Variants in OSTN observed in about 807,000 individuals in gnomAD.
The protein encoded by OSTN is osteocrin.
A neutral mutation model predicts 12.0 loss-of-function variants in OSTN; 9 were observed. The observed-to-expected ratio is 0.75, with a 90% CI of 0.45 to 1.30. The LOEUF is 1.30. Ranked by LOEUF, OSTN falls within the 50% of genes most tolerant of loss-of-function variation. The pLI, the probability that OSTN is intolerant of heterozygous loss-of-function variation, is 0.00. For missense variants in OSTN, 148 were observed against 152.3 expected (o/e 0.97, Z 0.15); for synonymous variants, 59 against 56.9 (o/e 1.04, Z -0.16).
chr3:191,223,584 T>C (rs992175919), intron 3 of OSTN, among the ~76,000 whole-genome samples: 2 of 152,106 alleles, frequency 1.3e-5, no homozygotes, highest in Non-Finnish European at 2.9e-5. Flanking sequence ...TTACAACAAA[T>C]AGATGCTTGG....
Position 191,206,586 on chromosome 3 carries a change from T to C in OSTN, c.1-5947T>C, listed in dbSNP as rs977512030. ...ACCTACATGTTAAGTGTCTGCACTT[T>C]TACCAGAAAATAGCCAGCTTCACCA... is the stretch of plus-strand genomic sequence containing the variant. On this transcript the variant is annotated intron_variant, in intron 1 of 4. Coordinates refer to ENST00000682035, the MANE Select transcript of OSTN (RefSeq NM_198184.2). Among the ~76,000 whole-genome samples the C allele has an allele frequency of 2.6e-5, 4 of 152,204 alleles. No individual in the cohort carries two copies. In the East Asian group the frequency reaches 7.7e-4, roughly 29 times the overall value.
chr3:191,262,969 A>C lies in OSTN; in HGVS notation c.*116A>C. 1 of 677,704 alleles carries C rather than the reference A, an allele frequency of 1.5e-6. No homozygotes were observed. Among genetic ancestry groups the C allele is most frequent in the East Asian group, 2.7e-5 (1 of 36,678 alleles). 42.0% of individuals were successfully genotyped at this position (677,704 alleles called of 1,614,324 possible). A position where few individuals can be genotyped will look rare whatever the true frequency, so the allele number is the denominator to read the frequency against. ...ACTTTTAAGGAACTGACCTTCTGCAAATCCTTTCCAAAGCTTGAACTTCAG... is the reference window on the plus strand; with the variant it reads ...ACTTTTAAGGAACTGACCTTCTGCACATCCTTTCCAAAGCTTGAACTTCAG... On this transcript the variant is annotated 3_prime_UTR_variant, in exon 5 of 5. Transcript: ENST00000682035.
chr3:191,204,829 G>C (rs6783287), intron 1 of OSTN, among the ~76,000 whole-genome samples: 143,685 of 152,306 alleles, frequency 0.94, 67,895 homozygotes, highest in African/African-American at 0.98. Flanking sequence ...ATGAATGGCT[G>C]TAAGTTCCCT....
chr3:191,212,403 T>G, intron 1 of OSTN, 130 bp from the exon 2 acceptor site: 1 of 373,060 alleles, frequency 2.7e-6, no homozygotes, highest in Non-Finnish European at 5.0e-6. Flanking sequence ...TTTGTAGAGA[T>G]GCACTCAAAT....
chr3:191,255,032 C>G (rs1255951146), intron 4 of OSTN, among the ~76,000 whole-genome samples: 1 of 152,132 alleles, frequency 6.6e-6, no homozygotes, highest in African/African-American at 2.4e-5. Context: ...GCGCCGGGGA[C>G]TGGTTTCCTG....
At chr3:191,247,287 C>G (rs1715455448) in intron 3 of OSTN, among the ~76,000 whole-genome samples, 1 of 152,040 alleles carries the variant, frequency 6.6e-6, no homozygotes, top group Non-Finnish European at 1.5e-5. Flanking sequence ...TAACATGTTT[C>G]CTATTTGGTT....
intron 3 of OSTN, among the ~76,000 whole-genome samples, chr3:191,246,678 G>A (rs369145254): frequency 2.2e-4 from 33 of 151,652 alleles, no homozygotes; most frequent in Admixed American, 2.0e-3. Flanking sequence ...AGGGGAAGAG[G>A]AAGAAGAGGA....
intron 3 of OSTN, among the ~76,000 whole-genome samples, chr3:191,247,452 GT>G (rs985511256): frequency 2.6e-5 from 4 of 151,892 alleles, no homozygotes; most frequent in Non-Finnish European, 5.9e-5. Flanking sequence ...TTTTTTCCTA[GT>G]TTTTTTCTCA....
At chr3:191,203,225 A>C (rs1420199437) in intron 1 of OSTN, among the ~76,000 whole-genome samples, 1 of 152,194 alleles carries the variant, frequency 6.6e-6, no homozygotes, top group Admixed American at 6.5e-5. Flanking sequence ...TGCTCCATGC[A>C]TTCATTCAAC....
Position 191,264,291 on chromosome 3 carries a change from G to A in OSTN, c.*1438G>A, listed in dbSNP as rs980296847. On this transcript the variant is annotated 3_prime_UTR_variant, in exon 5 of 5. Transcript: ENST00000682035. ...GTTAAACTAAGAAATTGACCTTTAT[G>A]AAGGACTAATTTTTCAGTTATCCAA... The A allele has an allele frequency of 2.0e-5, 3 of 152,044 alleles. No homozygotes were observed. The highest frequency in any genetic ancestry group is 7.2e-5 in the African/African-American group (3 of 41,420). The allele number at this position is 152,044 out of a possible 1,614,324, so 9.4% of individuals were successfully genotyped here.
chr3:191,247,847 C>G (rs1210354568), intron 3 of OSTN, among the ~76,000 whole-genome samples: 2 of 152,078 alleles, frequency 1.3e-5, no homozygotes, highest in Non-Finnish European at 2.9e-5. Flanking sequence ...ACTTTTTCTT[C>G]CCCCTGATCA....
At chr3:191,256,817 C>A (rs1241325992) in intron 4 of OSTN, among the ~76,000 whole-genome samples, 1 of 152,022 alleles carries the variant, frequency 6.6e-6, no homozygotes, top group Non-Finnish European at 1.5e-5. Flanking sequence ...TAACCTCTTA[C>A]AATTTTTAAA....
chr3:191,218,225 T>G (rs2108532396), intron 2 of OSTN, among the ~76,000 whole-genome samples: 1 of 151,892 alleles, frequency 6.6e-6, no homozygotes, highest in Middle Eastern at 3.4e-3. Flanking sequence ...ATTCCAGGAG[T>G]TTTTCTTTTC....
chr3:191,233,760 G>A (rs1283660795), intron 3 of OSTN, among the ~76,000 whole-genome samples: 4 of 152,168 alleles, frequency 2.6e-5, no homozygotes, highest in African/African-American at 9.7e-5. Context: ...TTGGGAGGCC[G>A]AGGCAGGCAG....
At chr3:191,225,955 CATACCCTGA>C (rs1714899205) in intron 3 of OSTN, among the ~76,000 whole-genome samples, 1 of 152,104 alleles carries the variant, frequency 6.6e-6, no homozygotes, top group Non-Finnish European at 1.5e-5. Flanking sequence ...CCTACACGTA[CATACCCTGA>C]ATCTAAAATA....
chr3:191,240,980 G>A (rs1349794886), intron 3 of OSTN, among the ~76,000 whole-genome samples: 1 of 152,134 alleles, frequency 6.6e-6, no homozygotes, highest in Non-Finnish European at 1.5e-5. Flanking sequence ...CTACATAATG[G>A]TAGAATTATT....
intron 1 of OSTN, among the ~76,000 whole-genome samples, chr3:191,206,435 A>G (rs997210437): frequency 2.0e-5 from 3 of 152,228 alleles, no homozygotes; most frequent in African/African-American, 7.2e-5. Flanking sequence ...CTAATTTTAA[A>G]AATACTGAAA....
chr3:191,238,016 T>G (rs538834720), intron 3 of OSTN, among the ~76,000 whole-genome samples: 15 of 152,280 alleles, frequency 9.9e-5, no homozygotes, highest in Admixed American at 9.8e-4. Context: ...GTCTAACATT[T>G]TATTTTCTTT....
chr3:191,201,271 TCTCTTC>T (rs1333776211), intron 1 of OSTN, among the ~76,000 whole-genome samples: 1 of 152,024 alleles, frequency 6.6e-6, no homozygotes, highest in Non-Finnish European at 1.5e-5. Context: ...CCTTCTGCTC[TCTCTTC>T]CTCTTCAACA....
Sources: gnomAD v4.1 joint callset for allele counts (sites outside exome capture counted in the v4.1 genomes callset) on GRCh38, gnomAD v4.1.1 for gene constraint, MANE v1.5 for transcripts, NCBI Gene and HGNC (gene_info 2026-07-23, HGNC 2026-07-21) for gene names.